The following NTN1 variants were observed in gnomAD, a reference collection of about 807,000 sequenced individuals.
NTN1 encodes netrin-1.
A neutral mutation model predicts 54.2 loss-of-function variants in NTN1; 11 were observed. The observed-to-expected ratio is 0.20, with a 90% CI of 0.13 to 0.34. The LOEUF (loss-of-function observed/expected upper bound fraction) is 0.34. Among genes scored for constraint, NTN1 ranks in the 10% least tolerant of loss-of-function variants. The pLI, the probability that NTN1 is intolerant of heterozygous loss-of-function variation, is 1.00. For missense variants in NTN1, 740 were observed against 893.1 expected (o/e 0.83, Z 2.18); for synonymous variants, 371 against 382.0 (o/e 0.97, Z 0.33).
At chr17:9,185,298 C>T (rs2092429969) in intron 5 of NTN1, among the ~76,000 whole-genome samples, 1 of 151,290 alleles carries the variant, frequency 6.6e-6, no homozygotes, top group Non-Finnish European at 1.5e-5. Flanking sequence ...CAGGAGGGCC[C>T]CCTGGGAAGC....
intron 5 of NTN1, among the ~76,000 whole-genome samples, chr17:9,217,089 G>C (rs890852708): frequency 6.6e-6 from 1 of 151,534 alleles, no homozygotes; most frequent in South Asian, 2.1e-4. Flanking sequence ...TTGCTGTACT[G>C]CTGTCCTTCT....
In NTN1 at chr17:9,242,424, G is replaced by C. The variant is rs1424399170; in HGVS notation, c.*2456G>C. Reference sequence around the variant, plus strand: ...GGTTGTCCTATTTCTGTCTATGCCAGTGTGGTTTCTTCACCCTGCCCAGAA... The same window carrying C: ...GGTTGTCCTATTTCTGTCTATGCCACTGTGGTTTCTTCACCCTGCCCAGAA... On this transcript the variant is annotated 3_prime_UTR_variant, in exon 7 of 7. Coordinates refer to ENST00000173229, the MANE Select transcript of NTN1 (RefSeq NM_004822.3). The C allele has an allele frequency of 6.6e-6, 1 of 152,366 alleles. No individual in the cohort carries two copies. Among genetic ancestry groups the C allele is most frequent in the Non-Finnish European group, 1.5e-5 (1 of 68,122 alleles). The allele number at this position is 152,366 out of a possible 1,614,324, so 9.4% of individuals were successfully genotyped here.
intron 5 of NTN1, among the ~76,000 whole-genome samples, chr17:9,191,316 T>A (rs1904451480): frequency 6.6e-6 from 1 of 152,066 alleles, no homozygotes; most frequent in Non-Finnish European, 1.5e-5. Context: ...CAAAATTAGC[T>A]GGGCATGGTG....
chr17:9,148,396 CT>C (rs2092319395), intron 2 of NTN1, among the ~76,000 whole-genome samples: 1 of 152,132 alleles, frequency 6.6e-6, no homozygotes, highest in South Asian at 2.1e-4. Context: ...CTTTTAACCT[CT>C]TCTGGGACTT....
chr17:9,022,071 C>T (rs2091850861), intron 1 of NTN1, among the ~76,000 whole-genome samples: 1 of 151,676 alleles, frequency 6.6e-6, no homozygotes, highest in African/African-American at 2.4e-5. Flanking sequence ...GGCGTGGGGG[C>T]GGCGGTGGCG....
rs535102810 is a variant in NTN1, at chr17:9,034,120, G to C, written c.1018+10729G>C. 5.9e-5 allele frequency among the ~76,000 whole-genome samples: 9 copies of C among 152,182 alleles called. No homozygotes were observed. The East Asian group carries it at 1.6e-3, about 26-fold the overall frequency. ...CAGTTCCACCAGGAGTGTGGACTTG[G>C]GTAAATTAAGCTGTCTGTGCCTTTG... On this transcript the variant is annotated intron_variant, in intron 2 of 6. Transcript: ENST00000173229.
At chr17:9,004,168 T>G in the NTN1 span, among the ~76,000 whole-genome samples, 1 of 152,068 alleles carries the variant, frequency 6.6e-6, no homozygotes, top group East Asian at 1.9e-4. Flanking sequence ...CTCGGGAGCG[T>G]CCGTCCAAAA....
chr17:9,049,620 A>G (rs935452910), intron 2 of NTN1, among the ~76,000 whole-genome samples: 1 of 152,212 alleles, frequency 6.6e-6, no homozygotes. Flanking sequence ...ATAACTGGCC[A>G]TTACTCTTTA....
At chr17:9,208,290 C>A (rs566218434) in intron 5 of NTN1, among the ~76,000 whole-genome samples, 3 of 152,286 alleles carry the variant, frequency 2.0e-5, no homozygotes, top group African/African-American at 7.2e-5. Context: ...GGGGTATCAT[C>A]AGAATAATTG....
intron 6 of NTN1, among the ~76,000 whole-genome samples, chr17:9,235,196 C>G (rs912591670): frequency 6.6e-6 from 1 of 151,982 alleles, no homozygotes; most frequent in Non-Finnish European, 1.5e-5. Flanking sequence ...AACTCCTGAC[C>G]TCAGGTGATC....
At chr17:9,096,915 C>T (rs983559956) in intron 2 of NTN1, among the ~76,000 whole-genome samples, 11 of 152,252 alleles carry the variant, frequency 7.2e-5, no homozygotes, top group East Asian at 5.8e-4. Context: ...ATTGGTAATA[C>T]ATAATTGAAA....
intron 5 of NTN1, among the ~76,000 whole-genome samples, chr17:9,207,315 T>G (rs1457600852): frequency 6.6e-6 from 1 of 152,206 alleles, no homozygotes; most frequent in African/African-American, 2.4e-5. Flanking sequence ...AAGGACATAC[T>G]TGAGTGAGAA....
In NTN1 at chr17:9,082,043, G is replaced by A. The variant is rs115087367; in HGVS notation, c.1018+58652G>A. ...CCTCAGACAAGCCTGAAGTTATCTG[G>A]GTTCAAAATCTTGTTTTTTTGTTTG... On this transcript the variant is annotated intron_variant, in intron 2 of 6. Transcript: ENST00000173229. Among the ~76,000 whole-genome samples the A allele has an allele frequency of 6.3e-3, 964 of 152,136 alleles. 11 individuals carry two copies. Among genetic ancestry groups the A allele is most frequent in the African/African-American group, 0.022 (928 of 41,518 alleles).
At chr17:9,158,988 G>C (rs574526238) in intron 2 of NTN1, among the ~76,000 whole-genome samples, 1 of 152,202 alleles carries the variant, frequency 6.6e-6, no homozygotes, top group Non-Finnish European at 1.5e-5. Flanking sequence ...TGACTAATGG[G>C]TGAGTGACTT....
At chr17:9,086,648 T>C (rs547118065) in intron 2 of NTN1, among the ~76,000 whole-genome samples, 44 of 152,178 alleles carry the variant, frequency 2.9e-4, no homozygotes, top group Non-Finnish European at 5.6e-4. Flanking sequence ...TGTGACCACC[T>C]ACCTTCATGA....
At chr17:9,075,683 A>G (rs961336142) in intron 2 of NTN1, among the ~76,000 whole-genome samples, 3 of 152,130 alleles carry the variant, frequency 2.0e-5, no homozygotes, top group African/African-American at 7.2e-5. Flanking sequence ...GGAAGCTTTG[A>G]GACCCTCAGG....
intron 2 of NTN1, among the ~76,000 whole-genome samples, chr17:9,043,649 T>C (rs557491821): frequency 1.1e-4 from 16 of 152,000 alleles, no homozygotes; most frequent in African/African-American, 3.9e-4. Context: ...CGATCTTGGC[T>C]CACCACAACC....
chr17:9,008,962 A>T, the NTN1 span, among the ~76,000 whole-genome samples: 2 of 152,142 alleles, frequency 1.3e-5, no homozygotes, highest in African/African-American at 4.8e-5. Flanking sequence ...AATCACTTGA[A>T]CCCAGGAGGC....
At chr17:9,067,361 G>A (rs2092018676) in intron 2 of NTN1, among the ~76,000 whole-genome samples, 1 of 152,120 alleles carries the variant, frequency 6.6e-6, no homozygotes, top group African/African-American at 2.4e-5. Context: ...AGTTGAGTAT[G>A]AAGCAGGGGT....
Sources: gnomAD v4.1 joint callset for allele counts (sites outside exome capture counted in the v4.1 genomes callset) on GRCh38, gnomAD v4.1.1 for gene constraint, MANE v1.5 for transcripts, NCBI Gene and HGNC (gene_info 2026-07-23, HGNC 2026-07-21) for gene names.